The following APBB2 variants were observed in gnomAD, a reference collection of about 807,000 sequenced individuals.
APBB2 encodes Fe65-like 1.
APBB2 carries 38 observed loss-of-function variants against 82.5 expected under a neutral mutation model. That is an observed-to-expected ratio of 0.46 (90% CI 0.36 to 0.60). The LOEUF is 0.60. Ranked by LOEUF, APBB2 falls within the 20% of genes least tolerant of loss-of-function variation. APBB2 has a pLI of 0.00. For missense variants in APBB2, 772 were observed against 972.3 expected (o/e 0.79, Z 2.74); for synonymous variants, 341 against 368.2 (o/e 0.93, Z 0.85).
In APBB2 at chr4:40,810,711, A is replaced by AAAG. The variant is rs1744247452; in HGVS notation, c.*5378_*5380dup. On this transcript the variant is annotated 3_prime_UTR_variant, in exon 18 of 18. Coordinates refer to ENST00000508593, the MANE Select transcript of APBB2 (RefSeq NM_004307.2). ...TTATCACTCTTGTACAGAAAGATAT[A>AAAG]AAGTGCTCAGCTTATTTTGCTGATT... The AAAG allele has an allele frequency of 6.6e-6, 1 of 152,208 alleles. No individual in the cohort carries two copies. Among genetic ancestry groups the AAAG allele is most frequent in the African/African-American group, 2.4e-5 (1 of 41,450 alleles). 9.4% of individuals were successfully genotyped at this position (152,208 alleles called of 1,614,324 possible). A position where few individuals can be genotyped will look rare whatever the true frequency, so the allele number is the denominator to read the frequency against.
At chr4:40,925,404 AG>A (rs551807767) in intron 10 of APBB2, among the ~76,000 whole-genome samples, 327 of 152,290 alleles carry the variant, frequency 2.1e-3, no homozygotes, top group African/African-American at 7.4e-3. Flanking sequence ...TGAGGCACAG[AG>A]GGGGTAGGTA....
chr4:41,042,816 A>G (rs1255147231), intron 4 of APBB2, among the ~76,000 whole-genome samples: 1 of 152,228 alleles, frequency 6.6e-6, no homozygotes, highest in East Asian at 1.9e-4. Flanking sequence ...AGAACCACTC[A>G]GCCATCCCAA....
rs368022899 is a variant in APBB2 at position 41,187,155 on chromosome 4, T to C, written c.-417+27250A>G. Among the ~76,000 whole-genome samples, 5 of 152,320 alleles carry C rather than the reference T, an allele frequency of 3.3e-5. No individual in the cohort carries two copies. The East Asian group carries it at 5.8e-4, about 18-fold the overall frequency. The stretch of plus-strand genomic sequence containing the variant: ...AACTGTTTTCCTAATGAAGTGAAGA[T>C]ACAATGATACAAAATAAGATCTCAG... On this transcript the variant is annotated intron_variant, in intron 1 of 17. Transcript: ENST00000508593.
At chr4:41,055,931 C>T (rs1249230205) in intron 4 of APBB2, among the ~76,000 whole-genome samples, 2 of 152,098 alleles carry the variant, frequency 1.3e-5, no homozygotes, top group African/African-American at 4.8e-5. Flanking sequence ...AGTGGCTCAC[C>T]CCTGCAATCC....
chr4:41,041,135 C>T (rs1013688432), intron 4 of APBB2, among the ~76,000 whole-genome samples: 1 of 152,182 alleles, frequency 6.6e-6, no homozygotes, highest in Non-Finnish European at 1.5e-5. Context: ...CCACCTTGGC[C>T]TCCCAAAGTG....
chr4:40,977,164 G>C (rs1291991840), intron 6 of APBB2, among the ~76,000 whole-genome samples: 4 of 152,172 alleles, frequency 2.6e-5, no homozygotes, highest in Admixed American at 6.5e-5. Flanking sequence ...GCCAAAGAAG[G>C]CTTGAGATGA....
At chr4:40,978,114 G>A (rs1797632583) in intron 6 of APBB2, among the ~76,000 whole-genome samples, 1 of 152,210 alleles carries the variant, frequency 6.6e-6, no homozygotes, top group South Asian at 2.1e-4. Flanking sequence ...TCTTAACCTT[G>A]GGTATTTAGC....
intron 10 of APBB2, among the ~76,000 whole-genome samples, chr4:40,914,179 G>A (rs1195441346): frequency 6.6e-6 from 1 of 152,070 alleles, no homozygotes; most frequent in Non-Finnish European, 1.5e-5. Context: ...GACCATCCTG[G>A]CTAACACGGT....
chr4:41,116,693 A>G (rs937425107), intron 2 of APBB2, among the ~76,000 whole-genome samples: 7 of 152,192 alleles, frequency 4.6e-5, no homozygotes, highest in Non-Finnish European at 1.0e-4. Context: ...AATAATATGT[A>G]TTGATTTCTA....
intron 1 of APBB2, among the ~76,000 whole-genome samples, chr4:41,192,979 AC>A (rs1774903903): frequency 1.3e-5 from 2 of 152,362 alleles, no homozygotes; most frequent in South Asian, 4.1e-4. Context: ...CCTGAGAGCC[AC>A]AGGTTAAAGG....
At chr4:41,024,064 C>CA (rs1261828889) in intron 5 of APBB2, among the ~76,000 whole-genome samples, 4 of 152,074 alleles carry the variant, frequency 2.6e-5, no homozygotes, top group Admixed American at 2.0e-4. Flanking sequence ...ACAAAGCTGA[C>CA]AAAAAACAGC....
At chr4:40,964,085 T>A (rs1165645531) in intron 6 of APBB2, among the ~76,000 whole-genome samples, 2 of 152,098 alleles carry the variant, frequency 1.3e-5, no homozygotes, top group African/African-American at 4.8e-5. Flanking sequence ...CCTTTTTTTA[T>A]CCCTCCAACC....
At chr4:41,018,143 G>A (rs929486764) in intron 5 of APBB2, among the ~76,000 whole-genome samples, 2 of 152,038 alleles carry the variant, frequency 1.3e-5, no homozygotes, top group African/African-American at 4.8e-5. Context: ...TACATGTTAG[G>A]GATTATCATA....
intron 2 of APBB2, among the ~76,000 whole-genome samples, chr4:41,126,760 TCA>T (rs1039020406): frequency 1.6e-4 from 25 of 152,222 alleles, no homozygotes; most frequent in African/African-American, 5.5e-4. Context: ...CCCTATGTCT[TCA>T]CAGTGTCCTC....
chr4:40,982,532 G>A (rs1799360723), intron 6 of APBB2, among the ~76,000 whole-genome samples: 1 of 151,572 alleles, frequency 6.6e-6, no homozygotes, highest in South Asian at 2.1e-4. Context: ...CCCTTAGGAG[G>A]TCAAGGCAGG....
chr4:40,973,018 T>C (rs1314902916), intron 6 of APBB2, among the ~76,000 whole-genome samples: 1 of 152,242 alleles, frequency 6.6e-6, no homozygotes. Flanking sequence ...ATAAACACTG[T>C]CTTACACATT....
intron 1 of APBB2, among the ~76,000 whole-genome samples, chr4:41,187,863 A>G (rs1175401442): frequency 6.6e-6 from 1 of 152,240 alleles, no homozygotes; most frequent in Non-Finnish European, 1.5e-5. Context: ...GCAAAGGAAA[A>G]AAGTTTCTAT....
At chr4:40,820,294 T>C (rs538156672) in intron 17 of APBB2, among the ~76,000 whole-genome samples, 19 of 152,354 alleles carry the variant, frequency 1.2e-4, no homozygotes, top group Admixed American at 1.2e-3. Flanking sequence ...GGCTCCTGGC[T>C]GATCGCCACC....
rs530904277 is a variant in APBB2 at position 41,095,919 on chromosome 4, T to C, written c.-149+4720A>G. 3.3e-5 allele frequency among the ~76,000 whole-genome samples: 5 copies of C among 152,346 alleles called. No homozygotes were observed. The South Asian group carries it at 1.0e-3, about 32-fold the overall frequency. ...TCTCTAGCATGGCACATGTGTGACC[T>C]TTCTCACTCTGGCACCTTTTCGATC... On this transcript the variant is annotated intron_variant, in intron 3 of 17. Coordinates refer to ENST00000508593, the MANE Select transcript of APBB2 (RefSeq NM_004307.2).
Sources: allele counts gnomAD v4.1 joint callset (sites outside exome capture counted in the v4.1 genomes callset), GRCh38; gene constraint gnomAD v4.1.1; transcripts MANE v1.5; gene names NCBI Gene and HGNC (gene_info 2026-07-23, HGNC 2026-07-21).